Variants in LRRC28 observed in about 807,000 individuals in gnomAD.
LRRC28 encodes the protein leucine rich repeat containing 28, also known as leucine-rich repeat-containing protein 28.
LRRC28 carries 39 observed loss-of-function variants against 45.7 expected under a neutral mutation model. The observed-to-expected ratio is 0.85, with a 90% confidence interval of 0.66 to 1.12. The LOEUF is 1.12. Ranked by LOEUF, LRRC28 falls within the 50% of genes most tolerant of loss-of-function variation. The pLI is 0.00. For synonymous variants in LRRC28, 206 were observed against 178.8 expected, an observed-to-expected ratio of 1.15 and a Z score of -1.22; for missense variants, 435 against 438.5, an observed-to-expected ratio of 0.99 and a Z score of 0.07.
chr15:99,354,788 T>A (rs1048681357), intron 7 of LRRC28, among the ~76,000 whole-genome samples: 6 of 152,182 alleles, frequency 3.9e-5, no homozygotes, highest in African/African-American at 1.4e-4. Flanking sequence ...ATCAACTCCC[T>A]TCGTTCTTCA....
At chr15:99,262,589 A>T (rs7167791) in intron 2 of LRRC28, among the ~76,000 whole-genome samples, 14,305 of 152,174 alleles carry the variant, frequency 0.094, 741 homozygotes, top group African/African-American at 0.14. Flanking sequence ...CTCAAAAAAA[A>T]TTTTTTTAAA....
chr15:99,286,016 A>C (rs1287462960), intron 3 of LRRC28, among the ~76,000 whole-genome samples: 1 of 152,186 alleles, frequency 6.6e-6, no homozygotes, highest in Middle Eastern at 3.2e-3. Flanking sequence ...AAAATTATCA[A>C]TTTTCTGTCT....
Position 99,388,176 on chromosome 15 carries a change from A to G in LRRC28, c.*2074A>G, listed in dbSNP as rs1958084548. 6.6e-6 allele frequency: 1 copy of G among 152,230 alleles called. No individual in the cohort carries two copies. Among genetic ancestry groups the G allele is most frequent in the Non-Finnish European group, 1.5e-5 (1 of 68,028 alleles). 9.4% of individuals were successfully genotyped at this position (152,230 alleles called of 1,614,324 possible). A position where few individuals can be genotyped will look rare whatever the true frequency, so the allele number is the denominator to read the frequency against. On this transcript the variant is annotated 3_prime_UTR_variant, in exon 10 of 10. Coordinates refer to ENST00000301981, the MANE Select transcript of LRRC28 (RefSeq NM_144598.5). ...TTAGCTGGTGAAAATGTGGCATGAA[A>G]CTTCACAATTGTGCTTCAGGCCTAA...
Position 99,388,017 on chromosome 15 carries a change from T to C in LRRC28, c.*1915T>C, listed in dbSNP as rs1303141833. The C allele has an allele frequency of 2.0e-5, 3 of 152,254 alleles. No homozygotes were observed. Among genetic ancestry groups the C allele is most frequent in the Admixed American group, 2.0e-4 (3 of 15,290 alleles). The allele number at this position is 152,254 out of a possible 1,614,324, so 9.4% of individuals were successfully genotyped here. A position where few individuals can be genotyped will look rare whatever the true frequency, so the allele number is the denominator to read the frequency against. ...TGTTCTTACTTCCTCTTGTCCCTTT[T>C]CATATCTTGGTCTATTCAGCCTTAA... On this transcript the variant is annotated 3_prime_UTR_variant, in exon 10 of 10. Transcript: ENST00000301981.
intron 9 of LRRC28, among the ~76,000 whole-genome samples, chr15:99,366,254 G>A (rs1957337880): frequency 6.6e-6 from 1 of 152,130 alleles, no homozygotes; most frequent in African/African-American, 2.4e-5. Flanking sequence ...GGCCTCCATG[G>A]CTTGTAGATG....
In LRRC28 at chr15:99,320,355, C is replaced by T. The variant is rs1170260129; in HGVS notation, c.386-13568C>T. ...ACATTCAAAAGTTATGAATATATAGCAAGCCTCTTATAATATGGACAGTTG... is the reference window on the plus strand; with the variant it reads ...ACATTCAAAAGTTATGAATATATAGTAAGCCTCTTATAATATGGACAGTTG... On this transcript the variant is annotated intron_variant, in intron 5 of 9. Coordinates refer to ENST00000301981, the MANE Select transcript of LRRC28 (RefSeq NM_144598.5). Among the ~76,000 whole-genome samples the T allele has an allele frequency of 2.0e-5, 3 of 152,016 alleles. No individual in the cohort carries two copies. The South Asian group carries it at 6.2e-4, about 31-fold the overall frequency.
chr15:99,289,929 G>A lies in LRRC28; in HGVS notation c.385+1978G>A, dbSNP rs1192726253. ...CAGTCCGGCCTGGGCGACAGAGCAA[G>A]ACTCCGTCTCAAAAAAAAAAAAAAA... On this transcript the variant is annotated intron_variant, in intron 5 of 9. Coordinates refer to ENST00000301981, the MANE Select transcript of LRRC28 (RefSeq NM_144598.5). 4.9e-5 allele frequency among the ~76,000 whole-genome samples: 4 copies of A among 81,590 alleles called. No individual in the cohort carries two copies. The Admixed American group carries it at 8.2e-4, about 17-fold the overall frequency. 53.5% of individuals were successfully genotyped at this position (81,590 alleles called of 152,430 possible).
At chr15:99,347,999 G>A (rs1157656328) in intron 6 of LRRC28, among the ~76,000 whole-genome samples, 1 of 152,184 alleles carries the variant, frequency 6.6e-6, no homozygotes, top group Non-Finnish European at 1.5e-5. Context: ...TAATCTCATA[G>A]TGGTTTTAAT....
At chr15:99,318,060 AC>A (rs1475570187) in intron 5 of LRRC28, among the ~76,000 whole-genome samples, 1 of 152,170 alleles carries the variant, frequency 6.6e-6, no homozygotes, top group Non-Finnish European at 1.5e-5. Context: ...CTGAAGAAAT[AC>A]GTTTTTATGT....
At chr15:99,308,577 T>C (rs759302781) in intron 5 of LRRC28, among the ~76,000 whole-genome samples, 26 of 151,938 alleles carry the variant, frequency 1.7e-4, no homozygotes, top group Non-Finnish European at 2.8e-4. Flanking sequence ...GAGGCTGAGG[T>C]GGGGGGATTG....
At chr15:99,330,261 A>G (rs781038798) in intron 5 of LRRC28, among the ~76,000 whole-genome samples, 70 of 151,898 alleles carry the variant, frequency 4.6e-4, no homozygotes, top group Non-Finnish European at 8.7e-4. Flanking sequence ...CATTTGGTTG[A>G]TTGTGTAGTT....
At chr15:99,336,970 T>C (rs1193335043) in intron 6 of LRRC28, among the ~76,000 whole-genome samples, 1 of 152,252 alleles carries the variant, frequency 6.6e-6, no homozygotes, top group East Asian at 1.9e-4. Flanking sequence ...TGTTCTCTTG[T>C]CTGATACTCA....
chr15:99,277,620 G>C (rs1177091479), intron 3 of LRRC28, among the ~76,000 whole-genome samples: 1 of 152,114 alleles, frequency 6.6e-6, no homozygotes, highest in Non-Finnish European at 1.5e-5. Flanking sequence ...TGAATTTACT[G>C]TATTATTTGC....
At chr15:99,301,043 G>A (rs1299492454) in intron 5 of LRRC28, among the ~76,000 whole-genome samples, 1 of 152,012 alleles carries the variant, frequency 6.6e-6, no homozygotes, top group Non-Finnish European at 1.5e-5. Context: ...ATATACACAG[G>A]GTGTTGTCTT....
chr15:99,269,579 T>G (rs896067145), intron 2 of LRRC28, among the ~76,000 whole-genome samples: 1 of 152,140 alleles, frequency 6.6e-6, no homozygotes, highest in African/African-American at 2.4e-5. Context: ...AATTTTTGTG[T>G]TTTTAGTAGA....
intron 5 of LRRC28, among the ~76,000 whole-genome samples, chr15:99,308,053 T>A (rs994459075): frequency 6.6e-6 from 1 of 152,256 alleles, no homozygotes; most frequent in Non-Finnish European, 1.5e-5. Flanking sequence ...CAAGAAATGA[T>A]GATGGCTTGC....
At chr15:99,361,282 C>T in intron 7 of LRRC28, 54 bp from the exon 8 acceptor site, 1 of 1,538,954 alleles carries the variant, frequency 6.5e-7, no homozygotes, top group Non-Finnish European at 8.8e-7. Flanking sequence ...TTTATTGGCA[C>T]CCATATTCTT....
intron 5 of LRRC28, among the ~76,000 whole-genome samples, chr15:99,331,430 C>G (rs1251555378): frequency 1.3e-5 from 2 of 152,162 alleles, no homozygotes; most frequent in Non-Finnish European, 2.9e-5. Context: ...AAACCTACCT[C>G]ATGCTTCTGT....
rs912806494 is a variant in LRRC28, at chr15:99,387,861, C to G, written c.*1759C>G. 6.6e-6 allele frequency: 1 copy of G among 152,050 alleles called. No homozygotes were observed. The highest frequency in any genetic ancestry group is 2.4e-5 in the African/African-American group (1 of 41,376). The allele number at this position is 152,050 out of a possible 1,614,324, so 9.4% of individuals were successfully genotyped here. On this transcript the variant is annotated 3_prime_UTR_variant, in exon 10 of 10. Transcript: ENST00000301981. ...TATAATGCTACGCTCTTAACAGTGC[C>G]AAAAATCCTACATAGTTACTGACAA...
Sources: allele counts gnomAD v4.1 joint callset (sites outside exome capture counted in the v4.1 genomes callset), GRCh38; gene constraint gnomAD v4.1.1; transcripts MANE v1.5; gene names NCBI Gene and HGNC (gene_info 2026-07-23, HGNC 2026-07-21).